Variants in ZNF500 observed in about 807,000 individuals in gnomAD.
ZNF500 encodes zinc finger protein 500.
Under a neutral mutation model 30.1 loss-of-function variants are expected in ZNF500, and 31 were observed. The observed-to-expected ratio is 1.03, with a 90% CI of 0.77 to 1.39. The LOEUF is 1.39. ZNF500 is among the 40% of genes most tolerant of loss of function. The pLI is 0.00. For missense variants in ZNF500, 817 were observed against 657.8 expected (o/e 1.24, Z -2.65); for synonymous variants, 392 against 282.0 (o/e 1.39, Z -3.91).
At chr16:4,747,900 A>C (rs553599445), downstream of ZNF500, among the ~76,000 whole-genome samples, 118 of 152,304 alleles carry the variant, frequency 7.7e-4, no homozygotes, top group South Asian at 4.3e-3. Flanking sequence ...GGGCAGGGAC[A>C]GCAGGAGGAC....
intron 2 of ZNF500, chr16:4,763,049 T>C (rs2082225013): frequency 2.0e-6 from 2 of 985,336 alleles, no homozygotes; most frequent in South Asian, 4.7e-5. Context: ...AGAAGAGCCC[T>C]GAGTCAGCGC....
chr16:4,762,803 G>C (rs966448689), intron 2 of ZNF500, 47 bp from the exon 3 acceptor site: 1 of 1,535,158 alleles, frequency 6.5e-7, no homozygotes, highest in Admixed American at 1.9e-5. Flanking sequence ...AAGGCCAGAA[G>C]GAAAAATCCC....
At chr16:4,760,405 G>C (rs1306099879) in intron 5 of ZNF500, 87 bp downstream of exon 5, 2 of 1,308,250 alleles carry the variant, frequency 1.5e-6, no homozygotes, top group African/African-American at 1.5e-5. Flanking sequence ...AGGCCAACTG[G>C]ACCAACAGAA....
Position 4,752,415 on chromosome 16 carries a change from G to A in ZNF500, c.1404C>T (p.Leu468=). ...THMGAGSLPT[L]QPVAPGGPGA... is the part of the protein sequence containing the mutation. ...CGGGGCCTCCAGGAGCCACCGGCTGGAGCGTCGGCAAGGAGCCTGCCCCCA... is the reference window on the plus strand; with the variant it reads ...CGGGGCCTCCAGGAGCCACCGGCTGAAGCGTCGGCAAGGAGCCTGCCCCCA... Residue 468 remains leucine (L), a synonymous_variant, in exon 6 of 6, where the codon CTC becomes CTT. Coordinates refer to ENST00000219478, the MANE Select transcript of ZNF500 (RefSeq NM_021646.4). 1 of 1,526,300 alleles carries A rather than the reference G, an allele frequency of 6.6e-7. No individual in the cohort carries two copies. The highest frequency in any genetic ancestry group is 8.8e-7 in the Non-Finnish European group (1 of 1,140,540). The allele number at this position is 1,526,300 out of a possible 1,614,324, so 94.5% of individuals were successfully genotyped here.
chr16:4,762,935 G>C (rs776324344), intron 2 of ZNF500, 179 bp from the exon 3 acceptor site: 3 of 985,198 alleles, frequency 3.0e-6, no homozygotes, highest in Non-Finnish European at 3.6e-6. Flanking sequence ...CTCCCAGCCT[G>C]CTCTACTCCA....
chr16:4,766,721 G>A (rs1407704374), intron 1 of ZNF500, among the ~76,000 whole-genome samples: 1 of 152,206 alleles, frequency 6.6e-6, no homozygotes, highest in Non-Finnish European at 1.5e-5. Flanking sequence ...GAAATCTGAT[G>A]AAAAGTAGGG....
chr16:4,755,896 G>A (rs1489982873), intron 5 of ZNF500, among the ~76,000 whole-genome samples: 1 of 152,162 alleles, frequency 6.6e-6, no homozygotes, highest in East Asian at 1.9e-4. Context: ...ACTGACACAT[G>A]CTATACCACG....
In ZNF500 at chr16:4,752,784, G is replaced by C. The variant is rs775135871; in HGVS notation, c.1035C>G (p.Arg345=). The change falls in exon 6 of 6, where the codon CGC becomes CGG. Residue 345 remains arginine, a synonymous_variant. Transcript: ENST00000219478. Reference sequence around the variant, plus strand: ...TGTAAGGCCGCTCGCCCGTGTGTGTGCGCTGGTGCTTGGTCAAGTGGGACG... The same window carrying C: ...TGTAAGGCCGCTCGCCCGTGTGTGTCCGCTGGTGCTTGGTCAAGTGGGACG... ...SKTSHLTKHQ[R]THTGERPYKC... 3.7e-6 allele frequency: 6 copies of C among 1,614,184 alleles called. No individual in the cohort carries two copies. Among genetic ancestry groups the C allele is most frequent in the Non-Finnish European group, 5.1e-6 (6 of 1,180,028 alleles).
rs747477130 is a variant in ZNF500, at chr16:4,762,759, GCA to G, written c.415-5_415-4del. 5 of 1,592,278 alleles carry G rather than the reference GCA, an allele frequency of 3.1e-6. No homozygotes were observed. The South Asian group carries it at 5.6e-5, about 18-fold the overall frequency. Reference sequence around the variant, plus strand: ...TCATCAGAAAGCAGCTCTGAGCCCTGCACACAGACAGTGATCTCCCCACCAGC... The same window carrying G: ...TCATCAGAAAGCAGCTCTGAGCCCTGCACAGACAGTGATCTCCCCACCAGC... On this transcript the variant is annotated splice_polypyrimidine_tract_variant and splice_region_variant and intron_variant, in intron 2 of 5. Coordinates refer to ENST00000219478, the MANE Select transcript of ZNF500 (RefSeq NM_021646.4).
downstream of ZNF500, chr16:4,746,977 C>G: frequency 1.9e-6 from 3 of 1,551,312 alleles, no homozygotes; most frequent in Non-Finnish European, 2.6e-6. Context: ...GAAGAGATGG[C>G]AGCTCTGGGA....
At chr16:4,762,250 G>A in intron 4 of ZNF500, 21 bp downstream of exon 4, 1 of 1,609,252 alleles carries the variant, frequency 6.2e-7, no homozygotes, top group Non-Finnish European at 8.5e-7. Flanking sequence ...GGATGCTGCA[G>A]ACCAGGAGCA....
chr16:4,745,701 G>A (rs751255190), downstream of ZNF500, among the ~76,000 whole-genome samples: 7 of 152,098 alleles, frequency 4.6e-5, no homozygotes, highest in Admixed American at 3.3e-4. Context: ...CTATAATCCC[G>A]GCACTTTGGA....
chr16:4,752,284 C>T lies in ZNF500; in HGVS notation c.*92G>A, dbSNP rs142362793. ...CTGGGCCATGGGAGGAAACGGGCAG[C>T]TGGCAATGCTTTCGGACCAGGCTGT... On this transcript the variant is annotated 3_prime_UTR_variant, in exon 6 of 6. Transcript: ENST00000219478. The T allele has an allele frequency of 1.1e-5, 16 of 1,429,584 alleles. No individual in the cohort carries two copies. The East Asian group carries it at 3.5e-4, about 31-fold the overall frequency. The allele number at this position is 1,429,584 out of a possible 1,614,324, so 88.6% of individuals were successfully genotyped here. A position where few individuals can be genotyped will look rare whatever the true frequency, so the allele number is the denominator to read the frequency against.
At chr16:4,755,838 C>T (rs957970971) in intron 5 of ZNF500, among the ~76,000 whole-genome samples, 13 of 152,280 alleles carry the variant, frequency 8.5e-5, no homozygotes, top group African/African-American at 2.6e-4. Flanking sequence ...ATCAACAAAA[C>T]GTGGTCTATC....
chr16:4,746,465 T>TA, downstream of ZNF500: 1 of 1,613,806 alleles, frequency 6.2e-7, no homozygotes, highest in Non-Finnish European at 8.5e-7. Context: ...CCACCATCTT[T>TA]ATTGACCTGC....
At chr16:4,745,625 C>G (rs1342339117), downstream of ZNF500, among the ~76,000 whole-genome samples, 2 of 152,190 alleles carry the variant, frequency 1.3e-5, no homozygotes, top group South Asian at 4.1e-4. Flanking sequence ...CAGTGGGTTT[C>G]TGTGTCTGGA....
In ZNF500 at chr16:4,766,032, T is replaced by C; in HGVS notation, c.-54A>G. The C allele has an allele frequency of 1.3e-6, 2 of 1,502,214 alleles. No homozygotes were observed. The highest frequency in any genetic ancestry group is 1.3e-5 in the South Asian group (1 of 74,698). 93.1% of individuals were successfully genotyped at this position (1,502,214 alleles called of 1,614,324 possible). A position where few individuals can be genotyped will look rare whatever the true frequency, so the allele number is the denominator to read the frequency against. ...GGCCTTAGAGTTGAACCTGTCTCTC[T>C]CTATACCTCTGGCCAGACACAGGAA... is the stretch of plus-strand genomic sequence containing the variant. On this transcript the variant is annotated 5_prime_UTR_variant, in exon 2 of 6. Coordinates refer to ENST00000219478, the MANE Select transcript of ZNF500 (RefSeq NM_021646.4).
Position 4,760,573 on chromosome 16 carries a change from C to G in ZNF500, c.679G>C (p.Glu227Gln). 2 of 1,613,432 alleles carry G rather than the reference C, an allele frequency of 1.2e-6. No individual in the cohort carries two copies. Among genetic ancestry groups the G allele is most frequent in the Non-Finnish European group, 1.7e-6 (2 of 1,179,696 alleles). Residue 227 changes from glutamate (E) to glutamine (Q), a missense_variant, in exon 5 of 6, where the codon GAG (glutamate) becomes CAG (glutamine). Glu to Gln is a conservative substitution (Grantham distance 29). Coordinates refer to ENST00000219478, the MANE Select transcript of ZNF500 (RefSeq NM_021646.4). ...SAWSQVPVNLEDVAVYLSGEE... is the reference protein window; with the variant it reads ...SAWSQVPVNLQDVAVYLSGEE... Reference sequence around the variant, plus strand: ...CCAGAAAGGTATACAGCCACGTCCTCCAAGTTCACGGGCACCTGCCAGAAC... The same window carrying G: ...CCAGAAAGGTATACAGCCACGTCCTGCAAGTTCACGGGCACCTGCCAGAAC...
downstream of ZNF500, chr16:4,746,982 C>G (rs1411823409): frequency 1.6e-5 from 25 of 1,549,862 alleles, no homozygotes; most frequent in Non-Finnish European, 2.1e-5. Context: ...GATGGCAGCT[C>G]TGGGAGACGC....
Sources: allele counts gnomAD v4.1 joint callset (sites outside exome capture counted in the v4.1 genomes callset), GRCh38; gene constraint gnomAD v4.1.1; transcripts MANE v1.5; gene names NCBI Gene and HGNC (gene_info 2026-07-23, HGNC 2026-07-21).